ST8SIA6: variants seen among roughly 807,000 people sequenced by gnomAD.
ST8SIA6 encodes the protein alpha-2,8-sialyltransferase 8F.
In ST8SIA6, 39 loss-of-function variants were observed where a neutral mutation model predicts 33.6. That is an observed-to-expected ratio of 1.16 (90% CI 0.90 to 1.52). The LOEUF (loss-of-function observed/expected upper bound fraction) is 1.52. Ranked by LOEUF, ST8SIA6 falls within the 40% of genes most tolerant of loss-of-function variation. The pLI, the probability that ST8SIA6 is intolerant of heterozygous loss-of-function variation, is 0.00. For synonymous variants in ST8SIA6, 172 were observed against 167.2 expected (o/e 1.03, Z -0.22); for missense variants, 441 against 443.8 (o/e 0.99, Z 0.06).
At chr10:17,443,789 G>C (rs1852594634) in intron 2 of ST8SIA6, among the ~76,000 whole-genome samples, 1 of 152,190 alleles carries the variant, frequency 6.6e-6, no homozygotes, top group African/African-American at 2.4e-5. Context: ...GGCAAAGGAA[G>C]CTATAAAACA....
intron 3 of ST8SIA6, among the ~76,000 whole-genome samples, chr10:17,372,897 T>C (rs1432245945): frequency 1.3e-5 from 2 of 152,196 alleles, no homozygotes; most frequent in African/African-American, 4.8e-5. Context: ...ACTATAGAAG[T>C]GTATAAATAC....
chr10:17,404,839 A>AT (rs1390614075), intron 2 of ST8SIA6, among the ~76,000 whole-genome samples: 1 of 152,190 alleles, frequency 6.6e-6, no homozygotes, highest in Non-Finnish European at 1.5e-5. Flanking sequence ...AAATTCTGCC[A>AT]TACTGTTTTA....
chr10:17,406,382 C>A (rs1347071056), intron 2 of ST8SIA6, among the ~76,000 whole-genome samples: 1 of 152,182 alleles, frequency 6.6e-6, no homozygotes, highest in African/African-American at 2.4e-5. Context: ...CTTCTAGGAT[C>A]CTGGGACAGC....
At chr10:17,380,146 T>C (rs1850078063) in intron 3 of ST8SIA6, among the ~76,000 whole-genome samples, 1 of 152,226 alleles carries the variant, frequency 6.6e-6, no homozygotes, top group South Asian at 2.1e-4. Context: ...TCCATGTCGA[T>C]GGAAGACAGG....
intron 3 of ST8SIA6, among the ~76,000 whole-genome samples, chr10:17,367,703 TGA>T (rs1849599173): frequency 6.6e-6 from 1 of 152,196 alleles, no homozygotes; most frequent in South Asian, 2.1e-4. Context: ...AAGAGAATAT[TGA>T]GAGATGAAAG....
chr10:17,341,784 C>G (rs1848680859), intron 4 of ST8SIA6, among the ~76,000 whole-genome samples: 1 of 151,052 alleles, frequency 6.6e-6, no homozygotes. Context: ...ACCTGTAATC[C>G]CAGCTACTCA....
intron 6 of ST8SIA6, among the ~76,000 whole-genome samples, chr10:17,323,443 C>T (rs191783583): frequency 1.5e-5 from 2 of 130,058 alleles, no homozygotes; most frequent in Non-Finnish European, 3.1e-5. Flanking sequence ...GTTGCCTAGG[C>T]TGGAGTGTAG....
At chr10:17,343,437 T>G (rs370957391) in intron 4 of ST8SIA6, among the ~76,000 whole-genome samples, 2 of 152,338 alleles carry the variant, frequency 1.3e-5, no homozygotes, top group East Asian at 3.9e-4. Flanking sequence ...AACTATTTAA[T>G]GAGCTCAGAA....
At chr10:17,328,562 G>T (rs995509003) in intron 5 of ST8SIA6, among the ~76,000 whole-genome samples, 2 of 152,094 alleles carry the variant, frequency 1.3e-5, no homozygotes, top group African/African-American at 4.8e-5. Context: ...CTGATCTACC[G>T]ATTTTGTCTG....
chr10:17,324,361 C>T (rs543309896), intron 6 of ST8SIA6, among the ~76,000 whole-genome samples: 14 of 152,082 alleles, frequency 9.2e-5, no homozygotes, highest in Middle Eastern at 3.4e-3. Flanking sequence ...AAAATAAATA[C>T]GGCACCTTGG....
Position 17,454,121 on chromosome 10 carries a change from G to T in ST8SIA6, c.101+34C>A, listed in dbSNP as rs1037951230. On this transcript the variant is annotated intron_variant, in intron 1 of 7. Coordinates refer to ENST00000377602, the MANE Select transcript of ST8SIA6 (RefSeq NM_001004470.3). The surrounding 1 kb of genome is among the most constrained non-coding windows in gnomAD (Gnocchi z 4.1). ...TCCGGGGGCGCCAGGCGGGGCGCGC[G>T]GCGCGGGGCGCGGCCGGCGGGTGGG... is the stretch of plus-strand genomic sequence containing the variant. 38 of 263,010 alleles carry T rather than the reference G, an allele frequency of 1.4e-4. No homozygotes were observed. Among genetic ancestry groups the T allele is most frequent in the African/African-American group, 8.3e-4 (37 of 44,320 alleles). The allele number at this position is 263,010 out of a possible 1,614,324, so 16.3% of individuals were successfully genotyped here.
chr10:17,377,676 G>A (rs952867537), intron 3 of ST8SIA6, among the ~76,000 whole-genome samples: 4 of 152,024 alleles, frequency 2.6e-5, no homozygotes, highest in Non-Finnish European at 5.9e-5. Context: ...TAAGACTAGG[G>A]GAGAAAAAGA....
Position 17,356,938 on chromosome 10 carries a change from G to C in ST8SIA6, c.377+2576C>G, listed in dbSNP as rs114037727. Among the ~76,000 whole-genome samples, 1,378 of 152,250 alleles carry C rather than the reference G, an allele frequency of 9.1e-3. 24 individuals carry two copies. The highest frequency in any genetic ancestry group is 0.032 in the African/African-American group (1,323 of 41,554). On this transcript the variant is annotated intron_variant, in intron 4 of 7. Transcript: ENST00000377602. ...AGGAAAGGAAGACAAAAGATTTACA[G>C]ATAATAAGTTATTAAATGGAGCCAG...
intron 3 of ST8SIA6, among the ~76,000 whole-genome samples, chr10:17,382,403 C>G (rs1233995818): frequency 6.6e-6 from 1 of 152,100 alleles, no homozygotes. Flanking sequence ...GTAGCTGGGA[C>G]TACAGGTCTC....
chr10:17,415,562 G>A (rs1051396367), intron 2 of ST8SIA6, among the ~76,000 whole-genome samples: 2 of 152,036 alleles, frequency 1.3e-5, no homozygotes. Context: ...CCCTCCCTGT[G>A]AAGAAGGGTA....
chr10:17,404,430 G>C (rs999970840), intron 2 of ST8SIA6, among the ~76,000 whole-genome samples: 2 of 152,106 alleles, frequency 1.3e-5, no homozygotes, highest in Non-Finnish European at 2.9e-5. Context: ...GTCTATGGGA[G>C]CTGACAAAGA....
intron 4 of ST8SIA6, among the ~76,000 whole-genome samples, chr10:17,337,132 T>A (rs537908179): frequency 6.9e-6 from 1 of 145,000 alleles, no homozygotes; most frequent in Admixed American, 6.8e-5. Context: ...TTTTAAAGTG[T>A]GAAGCACCTC....
intron 3 of ST8SIA6, among the ~76,000 whole-genome samples, chr10:17,378,681 G>C (rs1237068693): frequency 6.6e-6 from 1 of 152,146 alleles, no homozygotes. Flanking sequence ...TCTCCAATGC[G>C]TGAACTACTT....
At chr10:17,350,481 G>C (rs1474340847) in intron 4 of ST8SIA6, among the ~76,000 whole-genome samples, 1 of 152,062 alleles carries the variant, frequency 6.6e-6, no homozygotes, top group Non-Finnish European at 1.5e-5. Context: ...TTGAGTCCAG[G>C]AGTTCGAGAC....
Sources: gnomAD v4.1 joint callset for allele counts (sites outside exome capture counted in the v4.1 genomes callset) on GRCh38, gnomAD v4.1.1 for gene constraint, Gnocchi (gnomAD v3.1) non-coding constraint, MANE v1.5 for transcripts, NCBI Gene and HGNC (gene_info 2026-07-23, HGNC 2026-07-21) for gene names.